Variants in ZNF264 observed in about 807,000 individuals in gnomAD.
The protein encoded by ZNF264 is zinc finger protein 264.
In ZNF264, 11 loss-of-function variants were observed where a neutral mutation model predicts 11.2. The ratio of observed to expected loss-of-function variants is 0.98; its 90% CI spans 0.62 to 1.63. The LOEUF (loss-of-function observed/expected upper bound fraction) is 1.63, where lower values mean the gene tolerates loss of function less well. Ranked by LOEUF, ZNF264 falls within the 40% of genes most tolerant of loss-of-function variation. The pLI, the probability that ZNF264 is intolerant of heterozygous loss-of-function variation, is 0.00. For synonymous variants in ZNF264, 309 were observed against 279.8 expected (o/e 1.10, Z -1.04); for missense variants, 752 against 768.1 (o/e 0.98, Z 0.25).
intron 3 of ZNF264, among the ~76,000 whole-genome samples, chr19:57,206,148 T>C (rs1275532074): frequency 6.6e-6 from 1 of 152,178 alleles, no homozygotes; most frequent in Non-Finnish European, 1.5e-5. Flanking sequence ...GACTGGGAAA[T>C]GTGGCTGAGC....
intron 3 of ZNF264, 39 bp downstream of exon 3, chr19:57,205,531 G>A: frequency 1.3e-6 from 2 of 1,555,956 alleles, no homozygotes; most frequent in East Asian, 2.3e-5. Flanking sequence ...GTCCCTTCTG[G>A]CTTAAGACTG....
At position 57,212,793 on chromosome 19, in the gene ZNF264, C is replaced by T; in HGVS notation, c.1696C>T (p.Pro566Ser). 6.2e-7 allele frequency: 1 copy of T among 1,614,074 alleles called. No individual in the cohort carries two copies. The highest frequency in any genetic ancestry group is 1.3e-5 in the African/African-American group (1 of 75,048). ...QHQRMHTGKNPISVTDVGRPF... is the reference protein window; with the variant it reads ...QHQRMHTGKNSISVTDVGRPF... ...TCAAAGGATGCATACTGGGAAAAAT[C>T]CCATCAGTGTAACAGATGTGGGAAG... Residue 566 changes from proline to serine, a missense_variant, in exon 4 of 4, where the codon CCC (proline) becomes TCC (serine). Pro to Ser is a moderately conservative substitution (Grantham distance 74). Coordinates refer to ENST00000263095, the MANE Select transcript of ZNF264 (RefSeq NM_003417.5).
intron 2 of ZNF264, among the ~76,000 whole-genome samples, chr19:57,203,344 G>T (rs897250542): frequency 1.3e-5 from 2 of 152,128 alleles, no homozygotes; most frequent in African/African-American, 4.8e-5. Context: ...GCATGTGCTT[G>T]TTCCCAGGGG....
At position 57,222,505 on chromosome 19, in the gene ZNF264, T is replaced by A. The variant is rs1161003189; in HGVS notation, c.*9524T>A. On this transcript the variant is annotated 3_prime_UTR_variant, in exon 4 of 4. Transcript: ENST00000263095. ...AAGAAAGGACCTAGTCTGCTCGCGT[T>A]CTCTCTCTCTCTCTCTCTATATATA... The A allele has an allele frequency of 1.7e-5, 1 of 59,670 alleles. No homozygotes were observed. The highest frequency in any genetic ancestry group is 1.0e-4 in the African/African-American group (1 of 9,720). 3.7% of individuals were successfully genotyped at this position (59,670 alleles called of 1,614,324 possible). A position where few individuals can be genotyped will look rare whatever the true frequency, so the allele number is the denominator to read the frequency against.
rs372538082 is a variant in ZNF264 at position 57,213,103 on chromosome 19, G to A, written c.*122G>A. The A allele has an allele frequency of 1.8e-5, 17 of 927,058 alleles. No individual in the cohort carries two copies. In the East Asian group the frequency reaches 4.2e-4, roughly 23 times the overall value. 57.4% of individuals were successfully genotyped at this position (927,058 alleles called of 1,614,324 possible). A position where few individuals can be genotyped will look rare whatever the true frequency, so the allele number is the denominator to read the frequency against. The stretch of plus-strand genomic sequence containing the variant: ...TGGAGAGAGACCCAGTGGTTATTGT[G>A]CACATAGGAGAACCTTCAGCTGCAT... On this transcript the variant is annotated 3_prime_UTR_variant, in exon 4 of 4. Coordinates refer to ENST00000263095, the MANE Select transcript of ZNF264 (RefSeq NM_003417.5).
Position 57,212,646 on chromosome 19 carries a change from G to A in ZNF264, c.1549G>A (p.Gly517Arg). ...GEKPYECVEC[G>R]KSFCWSTNLI... is the part of the protein sequence containing the mutation. ...GAAGCCCTATGAATGTGTTGAGTGT[G>A]GGAAATCGTTTTGCTGGAGCACAAA... The change falls in exon 4 of 4, where the codon GGG (glycine) becomes AGG (arginine). Residue 517 changes from glycine (G) to arginine (R), a missense_variant. Transcript: ENST00000263095. 2 of 1,614,066 alleles carry A rather than the reference G, an allele frequency of 1.2e-6. No individual in the cohort carries two copies. The highest frequency in any genetic ancestry group is 1.7e-5 in the Admixed American group (1 of 60,002).
At chr19:57,207,160 G>C (rs2087298953) in intron 3 of ZNF264, among the ~76,000 whole-genome samples, 1 of 151,600 alleles carries the variant, frequency 6.6e-6, no homozygotes, top group African/African-American at 2.4e-5. Context: ...TCTGTGAATG[G>C]TTCTGCCATC....
rs772642961 is a variant in ZNF264, at chr19:57,212,389, A to T, written c.1292A>T (p.Glu431Val). 2.4e-5 allele frequency: 39 copies of T among 1,614,138 alleles called. 1 individual carries two copies. In the Middle Eastern group the frequency reaches 4.9e-4, roughly 20 times the overall value. The stretch of plus-strand genomic sequence containing the variant: ...GGGGAGAAGCCCTTCGTGTGCAGTG[A>T]ATGTGGAAAGGCCTTCACCCACTGC... ...HTGEKPFVCS[E>V]CGKAFTHCST... The change falls in exon 4 of 4, where the codon GAA (glutamate) becomes GTA (valine). Residue 431 changes from glutamate to valine, a missense_variant. By Grantham distance (121) the Glu-to-Val change is moderately radical. Coordinates refer to ENST00000263095, the MANE Select transcript of ZNF264 (RefSeq NM_003417.5).
intron 2 of ZNF264, among the ~76,000 whole-genome samples, chr19:57,202,430 T>G (rs896486299): frequency 6.6e-6 from 1 of 151,846 alleles, no homozygotes; most frequent in African/African-American, 2.4e-5. Flanking sequence ...TGTCCACCGT[T>G]CCTGATTCAT....
At chr19:57,207,774 G>C (rs528396877) in intron 3 of ZNF264, among the ~76,000 whole-genome samples, 1 of 149,250 alleles carries the variant, frequency 6.7e-6, no homozygotes, top group Admixed American at 6.7e-5. Flanking sequence ...TTGCCCAGGC[G>C]GGAGTACAAT....
rs1402088865 is a variant in ZNF264 at position 57,222,329 on chromosome 19, A to ACTC, written c.*9348_*9349insCTC. The ACTC allele has an allele frequency of 7.2e-6, 1 of 138,962 alleles. No individual in the cohort carries two copies. Among genetic ancestry groups the ACTC allele is most frequent in the Non-Finnish European group, 1.5e-5 (1 of 65,382 alleles). 8.6% of individuals were successfully genotyped at this position (138,962 alleles called of 1,614,324 possible). The stretch of plus-strand genomic sequence containing the variant: ...GCCACTGCACTCCAGCCTGGGTGAC[A>ACTC]GAGTGAGACTGTGTCTCAAAAAAAA... On this transcript the variant is annotated 3_prime_UTR_variant, in exon 4 of 4. Coordinates refer to ENST00000263095, the MANE Select transcript of ZNF264 (RefSeq NM_003417.5).
At chr19:57,204,625 C>T (rs113800634) in intron 2 of ZNF264, among the ~76,000 whole-genome samples, 101 of 152,256 alleles carry the variant, frequency 6.6e-4, no homozygotes, top group African/African-American at 2.3e-3. Context: ...ACCTCTTTCT[C>T]TTTATAAATT....
intron 2 of ZNF264, among the ~76,000 whole-genome samples, chr19:57,203,630 G>A (rs1402076561): frequency 6.6e-6 from 1 of 152,068 alleles, no homozygotes. Flanking sequence ...TGATGTTTCT[G>A]TAAATGTCCT....
intron 1 of ZNF264, among the ~76,000 whole-genome samples, chr19:57,192,862 G>A (rs889601153): frequency 1.4e-4 from 21 of 151,898 alleles, no homozygotes; most frequent in African/African-American, 3.6e-4. Flanking sequence ...CTGCCGAGTA[G>A]TTGGGATTAC....
chr19:57,211,434 G>A lies in ZNF264; in HGVS notation c.337G>A (p.Val113Met). 6.2e-7 allele frequency: 1 copy of A among 1,614,172 alleles called. No individual in the cohort carries two copies. The highest frequency in any genetic ancestry group is 8.5e-7 in the Non-Finnish European group (1 of 1,180,044). The change falls in exon 4 of 4, where the codon GTG becomes ATG. Residue 113 changes from valine (V) to methionine (M), a missense_variant. Val to Met is a conservative substitution (Grantham distance 21). Transcript: ENST00000263095. Reference sequence around the variant, plus strand: ...AGAGGGAATCTCACTTCAGGGACAAGTGACACAAGGAAACTCAGTGGACTC... The same window carrying A: ...AGAGGGAATCTCACTTCAGGGACAAATGACACAAGGAAACTCAGTGGACTC... ...LSEGISLQGQ[V>M]TQGNSVDSQL...
chr19:57,210,228 A>G (rs2087324529), intron 3 of ZNF264, among the ~76,000 whole-genome samples: 1 of 152,010 alleles, frequency 6.6e-6, no homozygotes, highest in Non-Finnish European at 1.5e-5. Flanking sequence ...CATAGGACTC[A>G]CTTCATTGAG....
chr19:57,218,800 T>C lies in ZNF264; in HGVS notation c.*5819T>C, dbSNP rs1350938406. On this transcript the variant is annotated 3_prime_UTR_variant, in exon 4 of 4. Transcript: ENST00000263095. ...TCATTTTGGTTTTGTATTTTCCAGT[T>C]GTTTAATTTCCATTGGGTGGGTTCT... The C allele has an allele frequency of 6.6e-6, 1 of 152,302 alleles. No homozygotes were observed. Among genetic ancestry groups the C allele is most frequent in the African/African-American group, 2.4e-5 (1 of 41,450 alleles). The allele number at this position is 152,302 out of a possible 1,614,324, so 9.4% of individuals were successfully genotyped here.
At chr19:57,201,128 G>A (rs2122744914) in intron 2 of ZNF264, among the ~76,000 whole-genome samples, 1 of 151,856 alleles carries the variant, frequency 6.6e-6, no homozygotes, top group African/African-American at 2.4e-5. Flanking sequence ...ACTAAATAAG[G>A]GTGGTATTGT....
chr19:57,194,775 T>C (rs2122733689), intron 2 of ZNF264: 1 of 400,124 alleles, frequency 2.5e-6, no homozygotes. Flanking sequence ...GCAGCACCTT[T>C]ACAGACACAC....
Sources: gnomAD v4.1 joint callset for allele counts (sites outside exome capture counted in the v4.1 genomes callset) on GRCh38, gnomAD v4.1.1 for gene constraint, MANE v1.5 for transcripts, NCBI Gene and HGNC (gene_info 2026-07-23, HGNC 2026-07-21) for gene names.